The following ITGA1 variants were observed in gnomAD, a reference collection of about 807,000 sequenced individuals.
The protein encoded by ITGA1 is integrin subunit alpha 1, also known as integrin alpha-1.
In ITGA1, 85 loss-of-function variants were observed where a neutral mutation model predicts 145.9. The observed-to-expected ratio is 0.58, with a 90% confidence interval of 0.49 to 0.70. ITGA1 has a LOEUF of 0.70. Among genes scored for constraint, ITGA1 ranks in the 30% least tolerant of loss-of-function variants. The probability of loss-of-function intolerance (pLI) is 0.00; values close to 1 mark genes in which losing one functional copy is unlikely to be tolerated. For synonymous variants in ITGA1, 520 were observed against 495.3 expected (o/e 1.05, Z -0.66); for missense variants, 1,351 against 1,418.7 (o/e 0.95, Z 0.77).
In ITGA1 at chr5:52,816,353, G is replaced by A. The variant is rs572105479; in HGVS notation, c.61+27939G>A. Among the ~76,000 whole-genome samples the A allele has an allele frequency of 9.2e-5, 14 of 152,050 alleles. No individual in the cohort carries two copies. The South Asian group carries it at 1.0e-3, about 11-fold the overall frequency. The stretch of plus-strand genomic sequence containing the variant: ...CTTTATGAGAAAGATGAAAATTAAC[G>A]ATCTTTTAGAGATAGTTCAATGTTA... On this transcript the variant is annotated intron_variant, in intron 1 of 28. Coordinates refer to ENST00000282588, the MANE Select transcript of ITGA1 (RefSeq NM_181501.2).
In ITGA1 at chr5:52,925,404, A is replaced by G. The variant is rs555893862; in HGVS notation, c.2530A>G (p.Thr844Ala). 6.2e-7 allele frequency: 1 copy of G among 1,613,970 alleles called. No homozygotes were observed. The highest frequency in any genetic ancestry group is 2.2e-5 in the East Asian group (1 of 44,870). ...GAATGATAAGTTCAACGTTAGCCTC[A>G]CAGTCAAAAATACAAAGGACAGTGC... Reference protein sequence around the residue: ...SQNDKFNVSLTVKNTKDSAYN... With the variant: ...SQNDKFNVSLAVKNTKDSAYN... The change falls in exon 19 of 29, where the codon ACA becomes GCA. Residue 844 changes from threonine to alanine, a missense_variant. Coordinates refer to ENST00000282588, the MANE Select transcript of ITGA1 (RefSeq NM_181501.2).
At chr5:52,912,375 T>C (rs533614294) in intron 14 of ITGA1, among the ~76,000 whole-genome samples, 1 of 146,000 alleles carries the variant, frequency 6.8e-6, no homozygotes, top group South Asian at 2.2e-4. Context: ...ATCCAGTATA[T>C]GTATTATATA....
chr5:52,871,194 A>G (rs1456173400), intron 6 of ITGA1, among the ~76,000 whole-genome samples: 2 of 152,234 alleles, frequency 1.3e-5, no homozygotes, highest in Admixed American at 6.5e-5. Context: ...TAATTTAGAC[A>G]GAACCATATG....
At chr5:52,820,661 C>G (rs1748864584) in intron 1 of ITGA1, among the ~76,000 whole-genome samples, 1 of 152,098 alleles carries the variant, frequency 6.6e-6, no homozygotes, top group East Asian at 1.9e-4. Flanking sequence ...GCTAGGGACT[C>G]TGGGACATAC....
rs142576766 is a variant in ITGA1, at chr5:52,801,733, G to A, written c.61+13319G>A. 2.6e-5 allele frequency: 42 copies of A among 1,614,066 alleles called. No individual in the cohort carries two copies. In the African/African-American group the frequency reaches 4.8e-4, roughly 18 times the overall value. ...CGTTAGGATATTCTCTAGTCTTCAC[G>A]TTTCTGGGGAACAGCTCAGCCAGTT... On this transcript the variant is annotated intron_variant, in intron 1 of 28. Transcript: ENST00000282588.
rs1751278056 is a variant in ITGA1 at position 52,954,734 on chromosome 5, C to T, written c.*2283C>T. 1 of 152,028 alleles carries T rather than the reference C, an allele frequency of 6.6e-6. No individual in the cohort carries two copies. The highest frequency in any genetic ancestry group is 1.5e-5 in the Non-Finnish European group (1 of 68,018). The allele number at this position is 152,028 out of a possible 1,614,324, so 9.4% of individuals were successfully genotyped here. On this transcript the variant is annotated 3_prime_UTR_variant, in exon 29 of 29. Coordinates refer to ENST00000282588, the MANE Select transcript of ITGA1 (RefSeq NM_181501.2). ...CAGAAAATAAACACAAAAGCTATAT[C>T]TGCAAGACAAGTTTGATTCATCTAG... is the stretch of plus-strand genomic sequence containing the variant.
At chr5:52,931,968 T>G (rs7704476) in intron 21 of ITGA1, 79 bp from the exon 22 acceptor site, 23,754 of 833,686 alleles carry the variant, frequency 0.028, 1,424 homozygotes, top group African/African-American at 0.2. Context: ...CAGGATAAGC[T>G]TCTCTTTCAA....
chr5:52,849,184 T>C (rs926538526), intron 1 of ITGA1, among the ~76,000 whole-genome samples, 181 bp from the exon 2 acceptor site: 6 of 152,176 alleles, frequency 3.9e-5, no homozygotes, highest in Non-Finnish European at 5.9e-5. Flanking sequence ...ACTAGTTTAT[T>C]TGGTTTACAG....
chr5:52,894,294 C>T (rs1750194445), intron 9 of ITGA1, among the ~76,000 whole-genome samples: 1 of 152,068 alleles, frequency 6.6e-6, no homozygotes, highest in South Asian at 2.1e-4. Context: ...GTATTTTGCT[C>T]CTTGCCCATT....
chr5:52,893,571 A>T, intron 8 of ITGA1, 104 bp from the exon 9 acceptor site: 1 of 971,620 alleles, frequency 1.0e-6, no homozygotes, highest in Non-Finnish European at 1.5e-6. Flanking sequence ...AAATTCCATT[A>T]TGCTAAGGTA....
chr5:52,820,993 T>G (rs1461710691), intron 1 of ITGA1, among the ~76,000 whole-genome samples: 1 of 152,202 alleles, frequency 6.6e-6, no homozygotes, highest in Non-Finnish European at 1.5e-5. Flanking sequence ...TACTCTTCAG[T>G]ATTGATAGCC....
intron 7 of ITGA1, among the ~76,000 whole-genome samples, chr5:52,884,812 G>A (rs1321707136): frequency 6.6e-6 from 1 of 152,040 alleles, no homozygotes. Context: ...TTCCCACATC[G>A]ACCAGTTATC....
At chr5:52,856,874 C>G (rs1258071595) in intron 2 of ITGA1, among the ~76,000 whole-genome samples, 1 of 152,152 alleles carries the variant, frequency 6.6e-6, no homozygotes, top group African/African-American at 2.4e-5. Context: ...GGCTCATCAT[C>G]TGGTCCCTCA....
At chr5:52,861,309 T>C in intron 2 of ITGA1, 138 bp from the exon 3 acceptor site, 1 of 625,900 alleles carries the variant, frequency 1.6e-6, no homozygotes, top group Non-Finnish European at 2.9e-6. Context: ...TTAGTTTACA[T>C]AACATTAAAT....
At chr5:52,796,782 G>C (rs1748351048) in intron 1 of ITGA1, among the ~76,000 whole-genome samples, 1 of 152,020 alleles carries the variant, frequency 6.6e-6, no homozygotes, top group Admixed American at 6.6e-5. Flanking sequence ...AAAGATACAT[G>C]TTTAAATTAA....
At chr5:52,897,852 T>A (rs2111829917) in intron 10 of ITGA1, among the ~76,000 whole-genome samples, 1 of 148,398 alleles carries the variant, frequency 6.7e-6, no homozygotes, top group South Asian at 2.2e-4. Flanking sequence ...TTTCCACAGG[T>A]CAAGGAATTC....
At chr5:52,831,598 C>T (rs1435286783) in intron 1 of ITGA1, among the ~76,000 whole-genome samples, 2 of 150,902 alleles carry the variant, frequency 1.3e-5, no homozygotes, top group Non-Finnish European at 2.9e-5. Context: ...ACAGTAATCA[C>T]TTATGGCTCC....
At chr5:52,846,307 G>T (rs1304935429) in intron 1 of ITGA1, among the ~76,000 whole-genome samples, 2 of 152,108 alleles carry the variant, frequency 1.3e-5, no homozygotes, top group Non-Finnish European at 2.9e-5. Flanking sequence ...AGAGGCTGAG[G>T]CATGAGAATA....
At chr5:52,801,311 T>G in intron 1 of ITGA1, 3 of 1,171,760 alleles carry the variant, frequency 2.6e-6, no homozygotes, top group Non-Finnish European at 3.6e-6. Context: ...CTGAAACATA[T>G]GAAGCCTTAC....
Sources: allele counts gnomAD v4.1 joint callset (sites outside exome capture counted in the v4.1 genomes callset), GRCh38; gene constraint gnomAD v4.1.1; transcripts MANE v1.5; gene names NCBI Gene and HGNC (gene_info 2026-07-23, HGNC 2026-07-21).